The following CCSER1 variants were observed in gnomAD, a reference collection of about 807,000 sequenced individuals.
CCSER1 encodes coiled-coil serine rich protein 1.
In CCSER1, 41 loss-of-function variants were observed where a neutral mutation model predicts 82.0. The ratio of observed to expected loss-of-function variants is 0.50; its 90% CI spans 0.39 to 0.65. The LOEUF (loss-of-function observed/expected upper bound fraction) is 0.65, where lower values mean the gene tolerates loss of function less well. CCSER1 is among the 30% of genes least tolerant of loss of function. The pLI, the probability that CCSER1 is intolerant of heterozygous loss-of-function variation, is 0.00. For missense variants in CCSER1, 1,119 were observed against 1,064.2 expected, an observed-to-expected ratio of 1.05 and a Z score of -0.72; for synonymous variants, 414 against 383.9, an observed-to-expected ratio of 1.08 and a Z score of -0.92.
At chr4:90,800,332 G>A (rs1164260533) in intron 7 of CCSER1, among the ~76,000 whole-genome samples, 1 of 151,806 alleles carries the variant, frequency 6.6e-6, no homozygotes, top group African/African-American at 2.4e-5. Flanking sequence ...CATACTCTTG[G>A]GCTCAGGAAA....
chr4:90,942,626 T>C (rs1731729104), intron 9 of CCSER1, among the ~76,000 whole-genome samples: 1 of 151,812 alleles, frequency 6.6e-6, no homozygotes, highest in South Asian at 2.1e-4. Flanking sequence ...CACACTTTTA[T>C]GGGAAATGAG....
chr4:91,341,977 A>C (rs2149288720), intron 10 of CCSER1, among the ~76,000 whole-genome samples: 1 of 152,326 alleles, frequency 6.6e-6, no homozygotes, highest in Admixed American at 6.5e-5. Context: ...GTTATATATA[A>C]AGTAGGAAAG....
At chr4:90,480,664 G>A (rs529283158) in intron 5 of CCSER1, among the ~76,000 whole-genome samples, 16 of 152,066 alleles carry the variant, frequency 1.1e-4, no homozygotes, top group Non-Finnish European at 1.9e-4. Context: ...TTTTTGTCAG[G>A]TTTGTCAAAG....
chr4:90,377,725 C>G (rs1393254139), intron 3 of CCSER1, among the ~76,000 whole-genome samples: 2 of 151,896 alleles, frequency 1.3e-5, no homozygotes, highest in African/African-American at 4.8e-5. Flanking sequence ...GTAGGAAACC[C>G]CATGTAACTC....
intron 1 of CCSER1, among the ~76,000 whole-genome samples, chr4:90,241,584 C>G (rs1050186258): frequency 6.6e-6 from 1 of 152,048 alleles, no homozygotes; most frequent in African/African-American, 2.4e-5. Context: ...AAAAAAAATC[C>G]TTTCTAGAAA....
At chr4:91,551,655 A>C (rs1762162173) in intron 10 of CCSER1, among the ~76,000 whole-genome samples, 1 of 99,274 alleles carries the variant, frequency 1.0e-5, no homozygotes, top group African/African-American at 3.9e-5. Flanking sequence ...GGCAAAAAAC[A>C]AACACACACA....
At chr4:90,254,266 C>T (rs1722873369) in intron 1 of CCSER1, among the ~76,000 whole-genome samples, 1 of 152,170 alleles carries the variant, frequency 6.6e-6, no homozygotes, top group South Asian at 2.1e-4. Context: ...TGGCTTGCCT[C>T]GTTCTCTGGG....
chr4:91,204,941 G>A (rs1203202487), intron 10 of CCSER1, among the ~76,000 whole-genome samples: 1 of 151,496 alleles, frequency 6.6e-6, no homozygotes, highest in Non-Finnish European at 1.5e-5. Flanking sequence ...ATAAAATGCA[G>A]CACTTAAAAA....
At chr4:90,671,560 A>G (rs114391767) in intron 6 of CCSER1, among the ~76,000 whole-genome samples, 106 of 152,048 alleles carry the variant, frequency 7.0e-4, no homozygotes, top group African/African-American at 2.5e-3. Flanking sequence ...TTATATTTCC[A>G]TCACATCTGC....
chr4:90,688,982 AACTTGAGT>A (rs1484154004), intron 6 of CCSER1, among the ~76,000 whole-genome samples: 2 of 152,176 alleles, frequency 1.3e-5, no homozygotes, highest in African/African-American at 4.8e-5. Flanking sequence ...TAAGAAAGCA[AACTTGAGT>A]ACAAGTGTTT....
chr4:91,305,803 C>A (rs1409098539), intron 10 of CCSER1, among the ~76,000 whole-genome samples: 3 of 151,924 alleles, frequency 2.0e-5, no homozygotes. Context: ...ACAATCATGG[C>A]AGAAGGCGAA....
Position 91,134,421 on chromosome 4 carries a change from CA to C in CCSER1, c.2217+48437del, listed in dbSNP as rs111247370. ...GGGCAACACAGCAAGACCCTGTCTACAAAAAAAAAACAAAAACAAACAAAAA... is the reference window on the plus strand; with the variant it reads ...GGGCAACACAGCAAGACCCTGTCTACAAAAAAAAACAAAAACAAACAAAAA... On this transcript the variant is annotated intron_variant, in intron 10 of 10. Transcript: ENST00000509176. 9.9e-5 allele frequency among the ~76,000 whole-genome samples: 14 copies of C among 141,106 alleles called. No homozygotes were observed. The East Asian group carries it at 1.1e-3, about 11-fold the overall frequency. 92.6% of individuals were successfully genotyped at this position (141,106 alleles called of 152,430 possible). A position where few individuals can be genotyped will look rare whatever the true frequency, so the allele number is the denominator to read the frequency against.
intron 9 of CCSER1, among the ~76,000 whole-genome samples, chr4:90,925,081 T>G (rs1027859229): frequency 5.3e-5 from 8 of 152,272 alleles, no homozygotes; most frequent in African/African-American, 1.9e-4. Flanking sequence ...ATAAACCCAA[T>G]ATGTGTTTTA....
chr4:90,544,500 C>A, intron 5 of CCSER1, among the ~76,000 whole-genome samples: 1 of 152,070 alleles, frequency 6.6e-6, no homozygotes, highest in East Asian at 1.9e-4. Flanking sequence ...TCTCTGCAAC[C>A]CTGCATGATA....
chr4:91,219,599 A>AG (rs1326336353), intron 10 of CCSER1, among the ~76,000 whole-genome samples: 1 of 152,122 alleles, frequency 6.6e-6, no homozygotes, highest in African/African-American at 2.4e-5. Flanking sequence ...CACCATGCCC[A>AG]GCCCAGTTTG....
chr4:90,963,771 AC>A (rs1479352137), intron 9 of CCSER1, among the ~76,000 whole-genome samples: 62 of 152,304 alleles, frequency 4.1e-4, no homozygotes, highest in African/African-American at 1.4e-3. Flanking sequence ...CATTTAAGCC[AC>A]CCAGTCTGTG....
intron 10 of CCSER1, among the ~76,000 whole-genome samples, chr4:91,510,739 A>G (rs753275499): frequency 6.6e-6 from 1 of 151,982 alleles, no homozygotes; most frequent in Non-Finnish European, 1.5e-5. Context: ...TTTTGGATAC[A>G]TCGTTTGCAA....
At chr4:91,508,243 T>C (rs1034355813) in intron 10 of CCSER1, among the ~76,000 whole-genome samples, 2 of 147,394 alleles carry the variant, frequency 1.4e-5, no homozygotes, top group East Asian at 2.1e-4. Flanking sequence ...GGTTTTTTCA[T>C]TGATCTTCAC....
At chr4:91,383,202 G>T (rs575888866) in intron 10 of CCSER1, among the ~76,000 whole-genome samples, 1 of 152,202 alleles carries the variant, frequency 6.6e-6, no homozygotes, top group African/African-American at 2.4e-5. Context: ...ATTGATGTAT[G>T]CCTGTATTGT....
Sources: gnomAD v4.1 joint callset for allele counts (sites outside exome capture counted in the v4.1 genomes callset) on GRCh38, gnomAD v4.1.1 for gene constraint, MANE v1.5 for transcripts, NCBI Gene and HGNC (gene_info 2026-07-23, HGNC 2026-07-21) for gene names.